The following TBC1D5 variants were observed in gnomAD, a reference collection of about 807,000 sequenced individuals.
The protein encoded by TBC1D5 is TBC1 domain family member 5, also known as TBC1 domain family, member 5.
A neutral mutation model predicts 100.3 loss-of-function variants in TBC1D5; 75 were observed. That is an observed-to-expected ratio of 0.75 (90% CI 0.62 to 0.91). TBC1D5 has a LOEUF of 0.91. Ranked by LOEUF, TBC1D5 falls within the 40% of genes least tolerant of loss-of-function variation. The probability of loss-of-function intolerance (pLI) is 0.00; values close to 1 mark genes in which losing one functional copy is unlikely to be tolerated. For missense variants in TBC1D5, 910 were observed against 942.4 expected (o/e 0.97, Z 0.45); for synonymous variants, 323 against 325.6 (o/e 0.99, Z 0.09).
At chr3:17,314,175 T>C (rs1294724514) in intron 13 of TBC1D5, among the ~76,000 whole-genome samples, 1 of 152,196 alleles carries the variant, frequency 6.6e-6, no homozygotes, top group African/African-American at 2.4e-5. Context: ...GATGTTGTTT[T>C]GGTTTCTCTC....
At chr3:17,180,134 C>T (rs1003326282) in intron 19 of TBC1D5, among the ~76,000 whole-genome samples, 3 of 152,164 alleles carry the variant, frequency 2.0e-5, no homozygotes, top group Admixed American at 6.5e-5. Flanking sequence ...TGTAAAAAAC[C>T]TCTTCTAAAG....
intron 1 of TBC1D5, chr3:17,664,926 A>T (rs1368072018): frequency 6.6e-6 from 1 of 151,318 alleles, no homozygotes. Flanking sequence ...TTGCCTCCAC[A>T]GCCTTGAATG....
chr3:17,540,082 C>T (rs2096333890), intron 2 of TBC1D5, among the ~76,000 whole-genome samples: 1 of 152,164 alleles, frequency 6.6e-6, no homozygotes, highest in Non-Finnish European at 1.5e-5. Context: ...TTTGGATTTT[C>T]CTAAATATCA....
chr3:17,158,953 C>T (rs374303119), exon 22 of TBC1D5: 2 of 152,216 alleles, frequency 1.3e-5, no homozygotes. Context: ...GACACCTTCC[C>T]AAGGTGAGAA....
chr3:17,666,267 C>T (rs985834021), intron 1 of TBC1D5, among the ~76,000 whole-genome samples: 6 of 152,154 alleles, frequency 3.9e-5, no homozygotes, highest in South Asian at 2.1e-4. Flanking sequence ...ATTGAGCACA[C>T]ATTAGTAATT....
rs111929683 is a variant in TBC1D5, at chr3:17,179,481, C to T, written c.1852+5628G>A. 5.6e-3 allele frequency among the ~76,000 whole-genome samples: 854 copies of T among 152,310 alleles called. 11 individuals carry two copies. Among genetic ancestry groups the T allele is most frequent in the African/African-American group, 0.017 (687 of 41,558 alleles). On this transcript the variant is annotated intron_variant, in intron 19 of 21. Transcript: ENST00000253692. ...ATTATGACAAGTACAAAATCAGTTA[C>T]GATGGGTGCAATAAAATAACAAGAT... is the stretch of plus-strand genomic sequence containing the variant.
At chr3:17,308,919 T>C (rs1365801075) in intron 13 of TBC1D5, among the ~76,000 whole-genome samples, 1 of 152,110 alleles carries the variant, frequency 6.6e-6, no homozygotes, top group Non-Finnish European at 1.5e-5. Context: ...AAACTATTTA[T>C]ATCTAATTCT....
intron 4 of TBC1D5, among the ~76,000 whole-genome samples, chr3:17,413,491 G>T (rs1028978805): frequency 2.0e-5 from 3 of 152,084 alleles, no homozygotes; most frequent in African/African-American, 7.2e-5. Context: ...TACAGCTGAT[G>T]ATTATAATGA....
At chr3:17,400,156 A>G (rs983373301) in intron 8 of TBC1D5, among the ~76,000 whole-genome samples, 11 of 151,872 alleles carry the variant, frequency 7.2e-5, no homozygotes, top group African/African-American at 1.9e-4. Context: ...TCACCACTCC[A>G]CTCTGTCCCC....
intron 1 of TBC1D5, chr3:17,647,003 T>C (rs970307320): frequency 2.0e-5 from 3 of 152,136 alleles, no homozygotes; most frequent in African/African-American, 7.2e-5. Flanking sequence ...TGCAGTATTT[T>C]GTCCAAATTG....
intron 2 of TBC1D5, among the ~76,000 whole-genome samples, chr3:17,560,071 T>A (rs183401124): frequency 1.1e-4 from 16 of 152,282 alleles, no homozygotes; most frequent in Non-Finnish European, 2.1e-4. Context: ...ACTATGTGCC[T>A]CCTGATGAGA....
At chr3:17,289,422 A>G (rs2081494337) in intron 15 of TBC1D5, among the ~76,000 whole-genome samples, 1 of 151,962 alleles carries the variant, frequency 6.6e-6, no homozygotes, top group Non-Finnish European at 1.5e-5. Context: ...CGTCAATTCA[A>G]AGTCAGTTCT....
At chr3:17,486,432 G>A (rs2095569231) in intron 3 of TBC1D5, among the ~76,000 whole-genome samples, 1 of 152,108 alleles carries the variant, frequency 6.6e-6, no homozygotes, top group Non-Finnish European at 1.5e-5. Context: ...GTCCTGAATG[G>A]TAATGCCTAG....
At chr3:17,222,620 T>C (rs987875623) in intron 17 of TBC1D5, among the ~76,000 whole-genome samples, 4 of 152,230 alleles carry the variant, frequency 2.6e-5, no homozygotes, top group Admixed American at 2.6e-4. Flanking sequence ...GATGTCTATC[T>C]GATGATTATC....
At chr3:17,593,506 A>G (rs1178298122) in intron 2 of TBC1D5, among the ~76,000 whole-genome samples, 1 of 152,170 alleles carries the variant, frequency 6.6e-6, no homozygotes, top group Non-Finnish European at 1.5e-5. Context: ...GGTTGATTAT[A>G]CTGGACCTGT....
At chr3:17,496,585 G>T (rs1008911413) in intron 3 of TBC1D5, among the ~76,000 whole-genome samples, 1 of 152,060 alleles carries the variant, frequency 6.6e-6, no homozygotes, top group Non-Finnish European at 1.5e-5. Flanking sequence ...TAGAGAAATA[G>T]AAAAATTTAG....
Position 17,226,768 on chromosome 3 carries a change from T to C in TBC1D5, c.1588+11395A>G, listed in dbSNP as rs1176183287. ...TCAAGGATGCTGCCCAATAAATGTC[T>C]TAACCATGAATCTGTCTCACAGTTT... On this transcript the variant is annotated intron_variant, in intron 17 of 21. Coordinates refer to ENST00000253692, the Ensembl canonical transcript of TBC1D5. 2.6e-5 allele frequency among the ~76,000 whole-genome samples: 4 copies of C among 152,292 alleles called. No individual in the cohort carries two copies. In the East Asian group the frequency reaches 7.7e-4, roughly 29 times the overall value.
At chr3:17,563,904 T>A (rs990134349) in intron 2 of TBC1D5, among the ~76,000 whole-genome samples, 4 of 152,194 alleles carry the variant, frequency 2.6e-5, no homozygotes, top group African/African-American at 9.6e-5. Context: ...TGCCTCAGCC[T>A]CCCGAGTAGC....
intron 2 of TBC1D5, among the ~76,000 whole-genome samples, chr3:17,566,099 C>T (rs1354788265): frequency 6.6e-6 from 1 of 151,830 alleles, no homozygotes; most frequent in Non-Finnish European, 1.5e-5. Flanking sequence ...GTTTTAAAGA[C>T]ACTGTAATAT....
Sources: allele counts gnomAD v4.1 joint callset (sites outside exome capture counted in the v4.1 genomes callset), GRCh38; gene constraint gnomAD v4.1.1; transcripts MANE v1.5; gene names NCBI Gene and HGNC (gene_info 2026-07-23, HGNC 2026-07-21).